ASTN1: variants seen among roughly 807,000 people sequenced by gnomAD.
ASTN1 encodes the protein astrotactin 1.
Under a neutral mutation model 140.7 loss-of-function variants are expected in ASTN1, and 41 were observed. The ratio of observed to expected loss-of-function variants is 0.29; its 90% CI spans 0.23 to 0.38. The LOEUF is 0.38. Ranked by LOEUF, ASTN1 falls within the 10% of genes least tolerant of loss-of-function variation. The pLI, the probability that ASTN1 is intolerant of heterozygous loss-of-function variation, is 1.00. For missense variants in ASTN1, 1,479 were observed against 1,678.8 expected (o/e 0.88, Z 2.08); for synonymous variants, 640 against 652.2 (o/e 0.98, Z 0.29).
At chr1:176,902,630 C>T (rs1669817508) in intron 16 of ASTN1, among the ~76,000 whole-genome samples, 1 of 152,096 alleles carries the variant, frequency 6.6e-6, no homozygotes, top group Non-Finnish European at 1.5e-5. Context: ...TAAACAGCCT[C>T]CCGTATGCTT....
At chr1:177,157,650 T>TA (rs1558137402) in intron 1 of ASTN1, among the ~76,000 whole-genome samples, 108 of 152,074 alleles carry the variant, frequency 7.1e-4, no homozygotes, top group African/African-American at 2.5e-3. Context: ...GTATTTTTTT[T>TA]TAAAAAAAAG....
intron 16 of ASTN1, among the ~76,000 whole-genome samples, chr1:176,917,903 C>A (rs560923746): frequency 6.6e-6 from 1 of 152,094 alleles, no homozygotes; most frequent in African/African-American, 2.4e-5. Context: ...CACAGGGTGG[C>A]GAGAAAAACA....
At chr1:177,009,386 A>C (rs1421800590) in intron 8 of ASTN1, among the ~76,000 whole-genome samples, 1 of 152,310 alleles carries the variant, frequency 6.6e-6, no homozygotes, top group Non-Finnish European at 1.5e-5. Flanking sequence ...GGACAAAATA[A>C]AAACACCTCC....
chr1:176,859,459 C>T (rs1412174698), downstream of ASTN1, among the ~76,000 whole-genome samples: 1 of 152,196 alleles, frequency 6.6e-6, no homozygotes. Context: ...GATGGAAAGG[C>T]ACTGTTGACC....
At position 176,988,065 on chromosome 1, in the gene ASTN1, T is replaced by G. The variant is rs561509811; in HGVS notation, c.1524-22828A>C. 3.3e-5 allele frequency among the ~76,000 whole-genome samples: 5 copies of G among 152,314 alleles called. No individual in the cohort carries two copies. The South Asian group carries it at 1.0e-3, about 32-fold the overall frequency. ...GGCATCAGGGTGGGAACAGGTCTCATGTTCAATTTTGAACAAGTTAATTTG... is the reference window on the plus strand; with the variant it reads ...GGCATCAGGGTGGGAACAGGTCTCAGGTTCAATTTTGAACAAGTTAATTTG... On this transcript the variant is annotated intron_variant, in intron 8 of 22. Transcript: ENST00000361833.
At chr1:176,874,407 CA>C (rs1427806818) in intron 21 of ASTN1, among the ~76,000 whole-genome samples, 2 of 152,212 alleles carry the variant, frequency 1.3e-5, no homozygotes, top group Non-Finnish European at 2.9e-5. Context: ...TTTTCTTCTT[CA>C]CCAGTATTTA....
At chr1:177,044,829 A>G (rs952472186) in intron 2 of ASTN1, among the ~76,000 whole-genome samples, 9 of 152,242 alleles carry the variant, frequency 5.9e-5, no homozygotes, top group African/African-American at 2.2e-4. Context: ...ATCATTATAA[A>G]TTAATTCAAA....
chr1:177,010,009 T>C (rs949768997), intron 8 of ASTN1, among the ~76,000 whole-genome samples: 1 of 152,200 alleles, frequency 6.6e-6, no homozygotes. Flanking sequence ...TTCTGAAAAT[T>C]GTATCTAGAG....
At chr1:177,084,206 G>A (rs923592999) in intron 1 of ASTN1, among the ~76,000 whole-genome samples, 1 of 152,154 alleles carries the variant, frequency 6.6e-6, no homozygotes, top group Non-Finnish European at 1.5e-5. Flanking sequence ...TGGAGTGAGT[G>A]CTTGCAGGTA....
intron 16 of ASTN1, among the ~76,000 whole-genome samples, chr1:176,925,236 C>T (rs1329119850): frequency 1.3e-5 from 2 of 152,116 alleles, no homozygotes; most frequent in East Asian, 3.9e-4. Flanking sequence ...GACATAACCC[C>T]GGAGACCACC....
At chr1:177,154,400 C>T (rs752656003) in intron 1 of ASTN1, among the ~76,000 whole-genome samples, 8 of 152,128 alleles carry the variant, frequency 5.3e-5, no homozygotes, top group African/African-American at 1.2e-4. Context: ...TTCAGTTCCT[C>T]GGTCGTACTA....
intron 15 of ASTN1, among the ~76,000 whole-genome samples, chr1:176,935,529 G>A (rs1057155037): frequency 6.6e-6 from 1 of 152,148 alleles, no homozygotes; most frequent in African/African-American, 2.4e-5. Flanking sequence ...ATGAAAATGT[G>A]CTATATCCTC....
At chr1:176,906,467 C>G (rs6703638) in intron 16 of ASTN1, among the ~76,000 whole-genome samples, 31,616 of 151,992 alleles carry the variant, frequency 0.21, 3,450 homozygotes, top group Middle Eastern at 0.28. Context: ...GTTTGCAAGG[C>G]GTGGGGCAGA....
chr1:177,105,070 T>C (rs2102139600), intron 1 of ASTN1, among the ~76,000 whole-genome samples: 1 of 152,278 alleles, frequency 6.6e-6, no homozygotes, highest in East Asian at 1.9e-4. Flanking sequence ...CTCTCCAATT[T>C]GCCATTTGCC....
intron 2 of ASTN1, among the ~76,000 whole-genome samples, chr1:177,048,499 T>C (rs1677364423): frequency 6.6e-6 from 1 of 152,204 alleles, no homozygotes; most frequent in African/African-American, 2.4e-5. Context: ...GAAAGAATTA[T>C]ATTATATAAA....
chr1:177,055,660 T>G (rs73047028), intron 2 of ASTN1, among the ~76,000 whole-genome samples: 2,181 of 152,312 alleles, frequency 0.014, 58 homozygotes, highest in African/African-American at 0.05. Context: ...GACTTGTCTT[T>G]TTGTACTTTC....
At chr1:177,094,165 G>A (rs1443611925) in intron 1 of ASTN1, among the ~76,000 whole-genome samples, 1 of 152,174 alleles carries the variant, frequency 6.6e-6, no homozygotes, top group Non-Finnish European at 1.5e-5. Context: ...TTTCAAATGA[G>A]ATAGATATTA....
intron 9 of ASTN1, among the ~76,000 whole-genome samples, chr1:176,960,264 C>A (rs1040901136): frequency 7.9e-5 from 12 of 152,142 alleles, no homozygotes; most frequent in African/African-American, 2.9e-4. Context: ...AGTGGGGGCA[C>A]CTCCGCTATT....
In ASTN1 at chr1:176,934,359, C is replaced by CA; in HGVS notation, c.2483-20dup. The CA allele has an allele frequency of 1.9e-6, 3 of 1,583,846 alleles. No individual in the cohort carries two copies. The highest frequency in any genetic ancestry group is 2.6e-6 in the Non-Finnish European group (3 of 1,157,130). ...CTGAGGGCTATGGAGAGGCATCACC[C>CA]AAGGGTAAGAATGAGGGCTCAGATT... On this transcript the variant is annotated intron_variant, in intron 15 of 22. Coordinates refer to ENST00000361833, the MANE Select transcript of ASTN1 (RefSeq NM_004319.3).
Sources: gnomAD v4.1 joint callset for allele counts (sites outside exome capture counted in the v4.1 genomes callset) on GRCh38, gnomAD v4.1.1 for gene constraint, MANE v1.5 for transcripts, NCBI Gene and HGNC (gene_info 2026-07-23, HGNC 2026-07-21) for gene names.